CD96: variants seen among roughly 807,000 people sequenced by gnomAD.
CD96 encodes the protein CD96 molecule.
CD96 carries 70 observed loss-of-function variants against 71.3 expected under a neutral mutation model. The observed-to-expected ratio is 0.98, with a 90% CI of 0.81 to 1.20. The LOEUF (loss-of-function observed/expected upper bound fraction) is 1.20, where lower values mean the gene tolerates loss of function less well. Ranked by LOEUF, CD96 falls within the 50% of genes most tolerant of loss-of-function variation. The pLI is 0.00. For missense variants in CD96, 742 were observed against 677.5 expected (o/e 1.10, Z -1.06); for synonymous variants, 248 against 233.0 (o/e 1.06, Z -0.59).
intron 5 of CD96, chr3:111,593,429 C>G (rs1216335690): frequency 7.6e-7 from 1 of 1,320,476 alleles, no homozygotes. Context: ...TGCACTATTT[C>G]ACATAAAAGC....
chr3:111,590,083 T>A (rs1211305559), intron 5 of CD96, among the ~76,000 whole-genome samples: 1 of 152,240 alleles, frequency 6.6e-6, no homozygotes, highest in Non-Finnish European at 1.5e-5. Context: ...ATCAGCTATG[T>A]GACTGATTCT....
chr3:111,656,124 A>C (rs1940221301), downstream of CD96, among the ~76,000 whole-genome samples: 1 of 152,112 alleles, frequency 6.6e-6, no homozygotes, highest in Admixed American at 6.5e-5. Flanking sequence ...TACCTTTATC[A>C]ATATACTTAG....
intron 2 of CD96, among the ~76,000 whole-genome samples, chr3:111,551,479 T>G (rs1422503418): frequency 6.6e-6 from 1 of 152,224 alleles, no homozygotes; most frequent in Non-Finnish European, 1.5e-5. Context: ...AGGGTCATGC[T>G]AAGCTTTGAA....
At position 111,577,668 on chromosome 3, in the gene CD96, G is replaced by A. The variant is rs886213007; in HGVS notation, c.544-1359G>A. ...CCTAGCCAGATTCAGCTAAAGAACG[G>A]TGTCTTACATAAGAGTTTCTACTAA... On this transcript the variant is annotated intron_variant, in intron 3 of 13. Transcript: ENST00000352690. 16 of 792,674 alleles carry A rather than the reference G, an allele frequency of 2.0e-5. No homozygotes were observed. The Admixed American group carries it at 2.6e-4, about 13-fold the overall frequency. The allele number at this position is 792,674 out of a possible 1,614,324, so 49.1% of individuals were successfully genotyped here. A position where few individuals can be genotyped will look rare whatever the true frequency, so the allele number is the denominator to read the frequency against.
rs772185277 is a variant in CD96 at position 111,598,210 on chromosome 3, G to A, written c.898G>A (p.Gly300Arg). 5 of 1,274,546 alleles carry A rather than the reference G, an allele frequency of 3.9e-6. No homozygotes were observed. The highest frequency in any genetic ancestry group is 5.7e-6 in the Non-Finnish European group (5 of 871,334). 79.0% of individuals were successfully genotyped at this position (1,274,546 alleles called of 1,614,324 possible). The change falls in exon 6 of 14, where the codon GGA (glycine) becomes AGA (arginine). Residue 300 changes from glycine to arginine, a missense_variant and splice_region_variant. Transcript: ENST00000352690. The stretch of plus-strand genomic sequence containing the variant: ...AAGTTTTCTTCATGATGAAAAAGAA[G>A]GTAAGGAAACTAATCAATGGAAATA... ...DGSFLHDEKEGIYITNEERKG... is the reference protein window; with the variant it reads ...DGSFLHDEKERIYITNEERKG...
intron 8 of CD96, among the ~76,000 whole-genome samples, chr3:111,614,888 A>T (rs145696358): frequency 6.6e-6 from 1 of 152,278 alleles, no homozygotes; most frequent in Non-Finnish European, 1.5e-5. Context: ...GAAGGAGCGG[A>T]TTCTTCTTCA....
At position 111,664,982 on chromosome 3, in the gene CD96, C is replaced by T. The variant is rs1940446875; in HGVS notation, c.*53-545C>T. 1.3e-5 allele frequency among the ~76,000 whole-genome samples: 2 copies of T among 152,126 alleles called. 1 individual carries two copies. Among genetic ancestry groups the T allele is most frequent in the South Asian group, 4.1e-4 (2 of 4,834 alleles). ...CAGTTATTATTTAGCAGTCAAAGGA[C>T]TATGATATAAATAACTTAGCCTCAA... is the stretch of plus-strand genomic sequence containing the variant. On this transcript the variant is annotated intron_variant and NMD_transcript_variant, in intron 14 of 14. Coordinates refer to the CD96 transcript ENST00000494798.
intron 8 of CD96, among the ~76,000 whole-genome samples, chr3:111,619,172 G>A (rs1418730165): frequency 1.3e-5 from 2 of 152,128 alleles, no homozygotes; most frequent in African/African-American, 2.4e-5. Flanking sequence ...AGCTCTTTTA[G>A]AACATGTTTC....
At chr3:111,550,359 G>A (rs915246599) in intron 2 of CD96, among the ~76,000 whole-genome samples, 1 of 152,036 alleles carries the variant, frequency 6.6e-6, no homozygotes, top group African/African-American at 2.4e-5. Context: ...AGTAGTAATA[G>A]GAAGAGTAGA....
chr3:111,552,761 ATTG>A (rs1444802697), intron 2 of CD96, among the ~76,000 whole-genome samples: 8 of 152,162 alleles, frequency 5.3e-5, no homozygotes, highest in Non-Finnish European at 8.8e-5. Context: ...GAAGAAAGGG[ATTG>A]TTTTGTTTTT....
chr3:111,657,298 G>A (rs550090660), downstream of CD96, among the ~76,000 whole-genome samples: 80 of 152,016 alleles, frequency 5.3e-4, no homozygotes, highest in African/African-American at 1.9e-3. Context: ...TGTGCCTGTA[G>A]TCCCAGCTAC....
At chr3:111,662,504 T>A (rs1940382840) in intron 14 of CD96, among the ~76,000 whole-genome samples, 1 of 152,262 alleles carries the variant, frequency 6.6e-6, no homozygotes, top group South Asian at 2.1e-4. Context: ...TAAGTTCTAG[T>A]TTCAGGTTAT....
chr3:111,579,619 G>A (rs1936378319), intron 4 of CD96, among the ~76,000 whole-genome samples: 1 of 152,182 alleles, frequency 6.6e-6, no homozygotes, highest in Non-Finnish European at 1.5e-5. Context: ...ACTCTCTGAA[G>A]AATCCCAAGG....
At chr3:111,611,550 T>A (rs549747166) in intron 8 of CD96, among the ~76,000 whole-genome samples, 48 of 152,316 alleles carry the variant, frequency 3.2e-4, no homozygotes, top group East Asian at 2.3e-3. Flanking sequence ...ACCCCTTTGC[T>A]AGTCATGCCA....
chr3:111,635,788 T>C (rs73230140), intron 10 of CD96, among the ~76,000 whole-genome samples: 14,303 of 152,240 alleles, frequency 0.094, 933 homozygotes, highest in Non-Finnish European at 0.14. Flanking sequence ...TTTATCCCAT[T>C]CTTTCTTGCA....
chr3:111,563,767 A>G (rs2107535853), intron 2 of CD96, among the ~76,000 whole-genome samples: 1 of 152,284 alleles, frequency 6.6e-6, no homozygotes, highest in African/African-American at 2.4e-5. Context: ...ATATATTCTT[A>G]GTGCTAAAGG....
rs772265929 is a variant in CD96, at chr3:111,567,510, T to C, written c.419-13T>C. The C allele has an allele frequency of 1.2e-6, 2 of 1,604,246 alleles. No individual in the cohort carries two copies. The highest frequency in any genetic ancestry group is 2.2e-5 in the East Asian group (1 of 44,804). On this transcript the variant is annotated splice_polypyrimidine_tract_variant and intron_variant, in intron 2 of 13. Coordinates refer to ENST00000352690, the MANE Select transcript of CD96 (RefSeq NM_005816.5). ...AGAGATTCACATATTTTCTACCTTA[T>C]GTTTTGTTACAGTTACAGCAGATGA...
intron 1 of CD96, among the ~76,000 whole-genome samples, chr3:111,542,817 T>G (rs1013580405): frequency 1.6e-4 from 25 of 152,348 alleles, no homozygotes; most frequent in African/African-American, 5.1e-4. Flanking sequence ...TGTGTAGGTA[T>G]GAACCTGGGA....
intron 2 of CD96, 144 bp downstream of exon 2, chr3:111,545,546 G>T: frequency 1.4e-6 from 1 of 694,636 alleles, no homozygotes; most frequent in Non-Finnish European, 2.6e-6. Flanking sequence ...AGAGAGACAG[G>T]AAGTGACCAC....
Sources: gnomAD v4.1 joint callset for allele counts (sites outside exome capture counted in the v4.1 genomes callset) on GRCh38, gnomAD v4.1.1 for gene constraint, MANE v1.5 for transcripts, NCBI Gene and HGNC (gene_info 2026-07-23, HGNC 2026-07-21) for gene names.